The following CDH13 variants were observed in gnomAD, a reference collection of about 807,000 sequenced individuals.
CDH13 encodes the protein cadherin-13.
In CDH13, 24 loss-of-function variants were observed where a neutral mutation model predicts 63.8. The ratio of observed to expected loss-of-function variants is 0.38; its 90% CI spans 0.27 to 0.53. The LOEUF (loss-of-function observed/expected upper bound fraction) is 0.53, where lower values mean the gene tolerates loss of function less well. CDH13 is among the 20% of genes least tolerant of loss of function. The pLI, the probability that CDH13 is intolerant of heterozygous loss-of-function variation, is 0.85. For missense variants in CDH13, 1,049 were observed against 903.1 expected (o/e 1.16, Z -2.07); for synonymous variants, 503 against 355.3 (o/e 1.42, Z -4.67).
chr16:83,602,990 G>A (rs1907992200), intron 8 of CDH13, among the ~76,000 whole-genome samples: 1 of 152,164 alleles, frequency 6.6e-6, no homozygotes, highest in African/African-American at 2.4e-5. Flanking sequence ...GTAGCAAGGA[G>A]GTAAAGCAGA....
intron 10 of CDH13, among the ~76,000 whole-genome samples, chr16:83,707,889 G>A (rs985723781): frequency 2.1e-5 from 3 of 142,028 alleles, no homozygotes; most frequent in Non-Finnish European, 3.0e-5. Context: ...TGAGGAGAAG[G>A]CAAGAATACT....
chr16:82,683,793 T>G (rs796512587), intron 1 of CDH13, among the ~76,000 whole-genome samples: 7 of 152,342 alleles, frequency 4.6e-5, no homozygotes, highest in African/African-American at 1.7e-4. Flanking sequence ...AAAGACTTGA[T>G]GTGGATGATA....
chr16:82,970,925 C>A (rs1383755853), intron 2 of CDH13, among the ~76,000 whole-genome samples: 2 of 152,178 alleles, frequency 1.3e-5, no homozygotes, highest in South Asian at 2.1e-4. Flanking sequence ...AGAGTGCAGG[C>A]ACATTTAAAA....
intron 5 of CDH13, among the ~76,000 whole-genome samples, chr16:83,260,335 A>G (rs1398478574): frequency 6.6e-6 from 1 of 152,208 alleles, no homozygotes; most frequent in Admixed American, 6.5e-5. Context: ...TTTCTGCAAA[A>G]ATACTTAAGT....
intron 1 of CDH13, among the ~76,000 whole-genome samples, chr16:82,682,117 C>G (rs926278386): frequency 1.3e-5 from 2 of 152,240 alleles, no homozygotes; most frequent in Non-Finnish European, 2.9e-5. Flanking sequence ...TGAGAAGACA[C>G]TGGCTTGTGT....
At chr16:83,310,706 T>A (rs1409870793) in intron 5 of CDH13, among the ~76,000 whole-genome samples, 5 of 152,202 alleles carry the variant, frequency 3.3e-5, no homozygotes, top group Non-Finnish European at 5.9e-5. Context: ...GGTTGGACAG[T>A]GTTTGGGCCA....
intron 10 of CDH13, chr16:83,726,225 C>T (rs906910871): frequency 6.6e-6 from 1 of 152,108 alleles, no homozygotes; most frequent in African/African-American, 2.4e-5. Flanking sequence ...CCTTAGAGAC[C>T]ATCATTTCAC....
intron 8 of CDH13, among the ~76,000 whole-genome samples, chr16:83,620,862 A>G (rs1909748807): frequency 6.6e-6 from 1 of 152,112 alleles, no homozygotes; most frequent in African/African-American, 2.4e-5. Context: ...TTGTGTCGTG[A>G]GTTTCTGTGA....
At chr16:82,835,109 C>T (rs1384613072) in intron 1 of CDH13, among the ~76,000 whole-genome samples, 1 of 152,174 alleles carries the variant, frequency 6.6e-6, no homozygotes, top group African/African-American at 2.4e-5. Context: ...AGTAGTATCC[C>T]TGCAACGTGT....
chr16:83,380,831 GTTT>G (rs200970706), intron 6 of CDH13, among the ~76,000 whole-genome samples: 1 of 142,640 alleles, frequency 7.0e-6, no homozygotes, highest in Admixed American at 7.1e-5. Context: ...ATTACCCAAG[GTTT>G]TTTTTTTTTT....
chr16:83,162,292 A>C (rs955949328), intron 4 of CDH13, among the ~76,000 whole-genome samples: 1 of 152,244 alleles, frequency 6.6e-6, no homozygotes, highest in African/African-American at 2.4e-5. Context: ...TGTCGTCATC[A>C]TTGTCACGAT....
chr16:83,228,385 A>T (rs919893567), intron 5 of CDH13, among the ~76,000 whole-genome samples: 2 of 152,128 alleles, frequency 1.3e-5, no homozygotes, highest in Non-Finnish European at 2.9e-5. Context: ...TTTGCTCAGT[A>T]TTCATCAGGT....
intron 3 of CDH13, among the ~76,000 whole-genome samples, chr16:83,085,137 C>G (rs2033502245): frequency 6.6e-6 from 1 of 151,696 alleles, no homozygotes; most frequent in Non-Finnish European, 1.5e-5. Context: ...TTTAATTGGA[C>G]TTACAGTTCC....
At position 82,822,822 on chromosome 16, in the gene CDH13, G is replaced by A. The variant is rs542370135; in HGVS notation, c.46-35540G>A. Among the ~76,000 whole-genome samples the A allele has an allele frequency of 2.6e-5, 4 of 152,308 alleles. 1 individual carries two copies. The highest frequency in any genetic ancestry group is 9.6e-5 in the African/African-American group (4 of 41,584). On this transcript the variant is annotated intron_variant, in intron 1 of 13. Coordinates refer to ENST00000567109, the MANE Select transcript of CDH13 (RefSeq NM_001257.5). ...TCTACTTATTTTGAAGCAAATTAGT[G>A]CCTTAAAATGTCAACACCATTTTAT...
rs932285032 is a variant in CDH13 at position 83,129,527 on chromosome 16, T to A, written c.483+4026T>A. Reference sequence around the variant, plus strand: ...CCCTGTGGGTGACTGGATTGTAATGTCAGGGGCTAACTTTAACATGGTGTG... The same window carrying A: ...CCCTGTGGGTGACTGGATTGTAATGACAGGGGCTAACTTTAACATGGTGTG... On this transcript the variant is annotated intron_variant, in intron 4 of 13. Transcript: ENST00000567109. 6.6e-5 allele frequency among the ~76,000 whole-genome samples: 10 copies of A among 152,190 alleles called. No individual in the cohort carries two copies. The East Asian group carries it at 1.9e-3, about 29-fold the overall frequency.
chr16:83,463,475 A>G (rs1268964859), intron 6 of CDH13, among the ~76,000 whole-genome samples: 1 of 152,116 alleles, frequency 6.6e-6, no homozygotes, highest in African/African-American at 2.4e-5. Flanking sequence ...GGCATACCAC[A>G]CTACACACAG....
At chr16:82,687,986 A>T (rs2150970881) in intron 1 of CDH13, among the ~76,000 whole-genome samples, 1 of 152,320 alleles carries the variant, frequency 6.6e-6, no homozygotes, top group South Asian at 2.1e-4. Flanking sequence ...TGCCACAATG[A>T]AACATGGCAG....
chr16:83,472,171 C>A lies in CDH13; in HGVS notation c.782-14306C>A, dbSNP rs1240752021. On this transcript the variant is annotated intron_variant, in intron 6 of 13. Transcript: ENST00000567109. The stretch of plus-strand genomic sequence containing the variant: ...AACCATTACTGTCCCCACTTAGTAC[C>A]GTTATACCTCAGGCTCACTGTTGTC... Among the ~76,000 whole-genome samples the A allele has an allele frequency of 2.6e-5, 4 of 152,154 alleles. No individual in the cohort carries two copies. The East Asian group carries it at 7.7e-4, about 29-fold the overall frequency.
At chr16:82,920,814 A>G (rs1027265207) in intron 2 of CDH13, among the ~76,000 whole-genome samples, 8 of 152,250 alleles carry the variant, frequency 5.3e-5, no homozygotes, top group Admixed American at 1.3e-4. Context: ...TGTTAAGTGG[A>G]AAGTATTTCA....
Sources: gnomAD v4.1 joint callset for allele counts (sites outside exome capture counted in the v4.1 genomes callset) on GRCh38, gnomAD v4.1.1 for gene constraint, MANE v1.5 for transcripts, NCBI Gene and HGNC (gene_info 2026-07-23, HGNC 2026-07-21) for gene names.